Variants in CHD5 observed in about 807,000 individuals in gnomAD.
CHD5 encodes ATP-dependent chromatin remodeler CHD5.
A neutral mutation model predicts 230.3 loss-of-function variants in CHD5; 69 were observed. That is an observed-to-expected ratio of 0.30 (90% CI 0.25 to 0.37). The LOEUF is 0.37. Ranked by LOEUF, CHD5 falls within the 10% of genes least tolerant of loss-of-function variation. The pLI is 1.00. For missense variants in CHD5, 1,827 were observed against 2,622.8 expected (o/e 0.70, Z 6.63); for synonymous variants, 1,064 against 1,065.9 (o/e 1.00, Z 0.03).
intron 1 of CHD5, 87 bp from the exon 2 acceptor site, chr1:6,168,364 G>A: frequency 1.4e-6 from 2 of 1,465,908 alleles, no homozygotes; most frequent in East Asian, 4.7e-5. Context: ...GGGGAAGCTG[G>A]GACCCCCAGA....
intron 9 of CHD5, among the ~76,000 whole-genome samples, chr1:6,148,397 A>T (rs1666944291): frequency 6.6e-6 from 1 of 152,124 alleles, no homozygotes; most frequent in African/African-American, 2.4e-5. Context: ...TGGCTCCAGG[A>T]ACCTGAATTT....
chr1:6,120,682 G>A (rs1666454028), intron 33 of CHD5, among the ~76,000 whole-genome samples: 1 of 151,916 alleles, frequency 6.6e-6, no homozygotes, highest in South Asian at 2.1e-4. Context: ...TGCACCTATA[G>A]TCCCAGCTAC....
chr1:6,173,662 C>G (rs1186568151), intron 1 of CHD5, among the ~76,000 whole-genome samples: 2 of 152,154 alleles, frequency 1.3e-5, no homozygotes, highest in Non-Finnish European at 2.9e-5. Flanking sequence ...ACGATGCCTG[C>G]AGGGGCTCAG....
rs1666955146 is a variant in CHD5, at chr1:6,149,010, C to T, written c.1227G>A (p.Glu409=). The change falls in exon 9 of 42, where the codon GAG becomes GAA. Residue 409 remains glutamate (E), a synonymous_variant. Transcript: ENST00000262450. ...DDDEEEEGGC[E]EEEDDHMEFC... ...ACTCCATGTGGTCGTCCTCCTCCTC[C>T]TCGCAGCCGCCCTCCTCCTCTTCAT... The T allele has an allele frequency of 6.2e-7, 1 of 1,605,036 alleles. No individual in the cohort carries two copies. The highest frequency in any genetic ancestry group is 1.1e-5 in the South Asian group (1 of 90,166).
At chr1:6,177,996 G>T (rs1226789812) in intron 1 of CHD5, among the ~76,000 whole-genome samples, 1 of 152,194 alleles carries the variant, frequency 6.6e-6, no homozygotes, top group East Asian at 1.9e-4. Flanking sequence ...GAAGGCCCTG[G>T]AGGGGACCGG....
chr1:6,178,075 G>A (rs1667452394), intron 1 of CHD5, among the ~76,000 whole-genome samples: 1 of 152,202 alleles, frequency 6.6e-6, no homozygotes, highest in African/African-American at 2.4e-5. Context: ...CTCTGGAGGT[G>A]GAGCAGCTGG....
rs538481240 is a variant in CHD5, at chr1:6,126,030, C to A, written c.4079-172G>T. On this transcript the variant is annotated intron_variant, in intron 26 of 41. Transcript: ENST00000262450. This position sits in a 1 kb window ranked among gnomAD's most constrained non-coding sequence, Gnocchi z 5.7. Reference sequence around the variant, plus strand: ...TCATTTAGTAATCCCAACACCACCACGTTATACACTAAGGGTACCATGTGT... The same window carrying A: ...TCATTTAGTAATCCCAACACCACCAAGTTATACACTAAGGGTACCATGTGT... 6.6e-6 allele frequency among the ~76,000 whole-genome samples: 1 copy of A among 152,106 alleles called. No homozygotes were observed. Among genetic ancestry groups the A allele is most frequent in the South Asian group, 2.1e-4 (1 of 4,830 alleles).
intron 15 of CHD5, among the ~76,000 whole-genome samples, chr1:6,141,218 G>GTGC (rs1666823542): frequency 6.6e-6 from 1 of 151,400 alleles, no homozygotes; most frequent in East Asian, 1.9e-4. Flanking sequence ...GGGAGGCAGA[G>GTGC]GTTGCAGTGA....
At chr1:6,166,541 C>T (rs567195424) in intron 2 of CHD5, among the ~76,000 whole-genome samples, 1 of 152,198 alleles carries the variant, frequency 6.6e-6, no homozygotes, top group African/African-American at 2.4e-5. Flanking sequence ...CTCCCAGCCC[C>T]ATCCTTTCCC....
chr1:6,105,393 C>T lies in CHD5; in HGVS notation c.*81G>A, dbSNP rs891924515. 5 of 470,514 alleles carry T rather than the reference C, an allele frequency of 1.1e-5. No individual in the cohort carries two copies. The highest frequency in any genetic ancestry group is 1.0e-4 in the African/African-American group (5 of 50,070). 29.1% of individuals were successfully genotyped at this position (470,514 alleles called of 1,614,324 possible). A position where few individuals can be genotyped will look rare whatever the true frequency, so the allele number is the denominator to read the frequency against. ...CTAAAAAGGTGGCAGCTTTTCTCTC[C>T]CATGTGGGTCGGGCAGGTGGCCCGG... On this transcript the variant is annotated 3_prime_UTR_variant, in exon 42 of 42. Transcript: ENST00000262450. This position sits in a 1 kb window ranked among gnomAD's most constrained non-coding sequence, Gnocchi z 4.8.
At chr1:6,150,319 G>A (rs1666982817) in intron 7 of CHD5, among the ~76,000 whole-genome samples, 1 of 148,490 alleles carries the variant, frequency 6.7e-6, no homozygotes, top group Admixed American at 6.7e-5. Context: ...ACAAGTGGAT[G>A]GATGGATGGG....
At chr1:6,174,482 GTAGATGGATGGA>G (rs1234840047) in intron 1 of CHD5, among the ~76,000 whole-genome samples, 2 of 150,970 alleles carry the variant, frequency 1.3e-5, no homozygotes, top group Non-Finnish European at 2.9e-5. Flanking sequence ...TAGATGGTGG[GTAGATGGATGGA>G]TAGATGGATG....
chr1:6,106,092 TG>T, intron 41 of CHD5, 141 bp downstream of exon 41: 2 of 727,978 alleles, frequency 2.7e-6, no homozygotes, highest in Non-Finnish European at 4.6e-6. Context: ...GGCAGGTGGG[TG>T]GCTCTCAAAG....
intron 17 of CHD5, 74 bp downstream of exon 17, chr1:6,136,443 T>C (rs1666747806): frequency 6.5e-7 from 1 of 1,547,046 alleles, no homozygotes; most frequent in Non-Finnish European, 8.8e-7. Flanking sequence ...ACAGCCAGGA[T>C]GGGCTATTGA....
intron 15 of CHD5, among the ~76,000 whole-genome samples, chr1:6,140,493 T>A (rs1168525770): frequency 6.6e-6 from 1 of 152,114 alleles, no homozygotes; most frequent in East Asian, 1.9e-4. Flanking sequence ...AACAAGACCT[T>A]GCAGGGTTCA....
chr1:6,179,206 C>G (rs974170354), intron 1 of CHD5, among the ~76,000 whole-genome samples: 2 of 152,222 alleles, frequency 1.3e-5, no homozygotes, highest in Non-Finnish European at 2.9e-5. Context: ...AGGCCCGTAG[C>G]CAAGGCAGGG....
At chr1:6,160,929 G>A (rs1667166881) in intron 2 of CHD5, among the ~76,000 whole-genome samples, 1 of 152,218 alleles carries the variant, frequency 6.6e-6, no homozygotes, top group South Asian at 2.1e-4. Context: ...GCCCTCCACA[G>A]CCCCTTCCCA....
Position 6,134,045 on chromosome 1 carries a change from G to A in CHD5, c.3144+83C>T. 2 of 1,413,250 alleles carry A rather than the reference G, an allele frequency of 1.4e-6. No homozygotes were observed. Among genetic ancestry groups the A allele is most frequent in the Non-Finnish European group, 1.9e-6 (2 of 1,027,124 alleles). The allele number at this position is 1,413,250 out of a possible 1,614,324, so 87.5% of individuals were successfully genotyped here. On this transcript the variant is annotated intron_variant, in intron 20 of 41. Transcript: ENST00000262450. The surrounding 1 kb of genome is among the most constrained non-coding windows in gnomAD (Gnocchi z 6.3). Reference sequence around the variant, plus strand: ...CGGCACTGGGCCCTGAGGGGTGCCAGCAAGTTTGCGCCCCCAAGCATCAGG... The same window carrying A: ...CGGCACTGGGCCCTGAGGGGTGCCAACAAGTTTGCGCCCCCAAGCATCAGG...
At position 6,146,818 on chromosome 1, in the gene CHD5, C is replaced by T; in HGVS notation, c.1437G>A (p.Glu479=). The change falls in exon 10 of 42, where the codon GAG becomes GAA. Residue 479 remains glutamate (E), a synonymous_variant. Transcript: ENST00000262450. The surrounding 1 kb of genome is among the most constrained non-coding windows in gnomAD (Gnocchi z 5.1). ...GCCCCACCATGAAGGGGGCAGGGGG[C>T]TCCGTCCACCTCCAGTGTAGAATCC... The part of the protein sequence containing the change: ...VQRILHWRWT[E]PPAPFMVGLP... The T allele has an allele frequency of 1.9e-6, 3 of 1,568,940 alleles. No homozygotes were observed. Among genetic ancestry groups the T allele is most frequent in the Non-Finnish European group, 1.7e-6 (2 of 1,156,408 alleles).
Sources: gnomAD v4.1 joint callset for allele counts (sites outside exome capture counted in the v4.1 genomes callset) on GRCh38, gnomAD v4.1.1 for gene constraint, Gnocchi (gnomAD v3.1) non-coding constraint, MANE v1.5 for transcripts, NCBI Gene and HGNC (gene_info 2026-07-23, HGNC 2026-07-21) for gene names.